Variants in SORCS3 observed in about 807,000 individuals in gnomAD.
SORCS3 encodes the protein VPS10 domain-containing receptor SorCS3.
SORCS3 carries 57 observed loss-of-function variants against 146.3 expected under a neutral mutation model. The observed-to-expected ratio is 0.39, with a 90% CI of 0.31 to 0.49. The LOEUF is 0.49. Ranked by LOEUF, SORCS3 falls within the 20% of genes least tolerant of loss-of-function variation. The pLI, the probability that SORCS3 is intolerant of heterozygous loss-of-function variation, is 0.92. For synonymous variants in SORCS3, 653 were observed against 618.5 expected, an observed-to-expected ratio of 1.06 and a Z score of -0.83; for missense variants, 1,341 against 1,575.5, an observed-to-expected ratio of 0.85 and a Z score of 2.52.
At chr10:104,759,033 A>G (rs923537420) in intron 1 of SORCS3, among the ~76,000 whole-genome samples, 16 of 152,130 alleles carry the variant, frequency 1.1e-4, no homozygotes, top group Non-Finnish European at 2.1e-4. Context: ...TGCAGATGGG[A>G]TTAGTTAAGA....
chr10:105,056,921 AC>A (rs774633739), intron 5 of SORCS3, among the ~76,000 whole-genome samples: 4 of 152,204 alleles, frequency 2.6e-5, no homozygotes, highest in Non-Finnish European at 5.9e-5. Flanking sequence ...AGATTGTATG[AC>A]TATTTTACAT....
At chr10:104,871,336 G>A (rs958488670) in intron 2 of SORCS3, among the ~76,000 whole-genome samples, 106 of 152,256 alleles carry the variant, frequency 7.0e-4, no homozygotes, top group African/African-American at 2.4e-3. Flanking sequence ...CCAGAAAAGT[G>A]GAAAGTCCGC....
At chr10:105,011,200 T>G (rs183793341) in intron 4 of SORCS3, among the ~76,000 whole-genome samples, 1 of 152,172 alleles carries the variant, frequency 6.6e-6, no homozygotes, top group Non-Finnish European at 1.5e-5. Flanking sequence ...TGAAAAATAA[T>G]TTATGTCTAA....
chr10:105,148,688 G>A (rs760228950), intron 9 of SORCS3, among the ~76,000 whole-genome samples: 1 of 152,116 alleles, frequency 6.6e-6, no homozygotes, highest in African/African-American at 2.4e-5. Context: ...TGGCCTCAGA[G>A]CTGGGTGAGC....
intron 4 of SORCS3, among the ~76,000 whole-genome samples, 158 bp downstream of exon 4, chr10:104,977,651 T>C (rs562470897): frequency 6.6e-6 from 1 of 152,148 alleles, no homozygotes; most frequent in Non-Finnish European, 1.5e-5. Flanking sequence ...CAACTAACTT[T>C]CCTTTCTGCT....
Position 105,263,394 on chromosome 10 carries a change from C to G in SORCS3, c.*20C>G. 6.2e-7 allele frequency: 1 copy of G among 1,612,146 alleles called. No individual in the cohort carries two copies. The highest frequency in any genetic ancestry group is 1.1e-5 in the South Asian group (1 of 90,994). Reference sequence around the variant, plus strand: ...GTTTAATACCAGCAAGCCACGTGGTCAACCACCTTTCTGACTTTTTATTTT... The same window carrying G: ...GTTTAATACCAGCAAGCCACGTGGTGAACCACCTTTCTGACTTTTTATTTT... On this transcript the variant is annotated 3_prime_UTR_variant, in exon 27 of 27. Transcript: ENST00000369701.
chr10:104,961,275 T>C lies in SORCS3; in HGVS notation c.796-16060T>C, dbSNP rs550154784. Among the ~76,000 whole-genome samples, 32 of 152,318 alleles carry C rather than the reference T, an allele frequency of 2.1e-4. 1 individual carries two copies. In the South Asian group the frequency reaches 6.4e-3, roughly 31 times the overall value. ...TCTGAAAACCAAACACACCTGGTTA[T>C]GTATCTATGCCTGTGACAACATTGT... On this transcript the variant is annotated intron_variant, in intron 3 of 26. Transcript: ENST00000369701.
chr10:105,014,502 G>T, intron 4 of SORCS3, among the ~76,000 whole-genome samples: 1 of 152,116 alleles, frequency 6.6e-6, no homozygotes, highest in East Asian at 1.9e-4. Flanking sequence ...TAAGCCATAA[G>T]CTTGGAAAAG....
rs76682679 is a variant in SORCS3, at chr10:105,244,751, T to G, written c.2869-791T>G. Reference sequence around the variant, plus strand: ...TCAGTAATCTGATGGTGCATCTAATTTACATATATTTTCTGCTCTATGAAA... The same window carrying G: ...TCAGTAATCTGATGGTGCATCTAATGTACATATATTTTCTGCTCTATGAAA... On this transcript the variant is annotated intron_variant, in intron 20 of 26. Transcript: ENST00000369701. Among the ~76,000 whole-genome samples the G allele has an allele frequency of 7.1e-3, 1,073 of 152,130 alleles. 10 individuals carry two copies. The highest frequency in any genetic ancestry group is 0.01 in the Non-Finnish European group (701 of 68,000).
At chr10:105,255,086 G>A (rs1002624079) in intron 23 of SORCS3, among the ~76,000 whole-genome samples, 1 of 151,222 alleles carries the variant, frequency 6.6e-6, no homozygotes, top group South Asian at 2.1e-4. Context: ...TACTCAGGAG[G>A]CTGAGGCAGG....
chr10:105,014,510 A>G (rs1011195255), intron 4 of SORCS3, among the ~76,000 whole-genome samples: 1 of 152,200 alleles, frequency 6.6e-6, no homozygotes, highest in Non-Finnish European at 1.5e-5. Context: ...AAGCTTGGAA[A>G]AGATTCTTGC....
intron 3 of SORCS3, among the ~76,000 whole-genome samples, chr10:104,926,190 A>T (rs2019143125): frequency 6.6e-6 from 1 of 152,178 alleles, no homozygotes; most frequent in Admixed American, 6.5e-5. Flanking sequence ...GTCCTGCCTT[A>T]TCCAGGAGGC....
intron 1 of SORCS3, among the ~76,000 whole-genome samples, chr10:104,677,854 G>A (rs2015928827): frequency 6.6e-6 from 1 of 152,208 alleles, no homozygotes; most frequent in East Asian, 1.9e-4. Flanking sequence ...AACATAGGGG[G>A]TGAAGAGAGA....
At chr10:104,823,996 T>A (rs2017905654) in intron 1 of SORCS3, among the ~76,000 whole-genome samples, 3 of 151,666 alleles carry the variant, frequency 2.0e-5, no homozygotes, top group Admixed American at 2.0e-4. Flanking sequence ...GGACCATGAG[T>A]CAAGGAATGG....
At position 104,736,857 on chromosome 10, in the gene SORCS3, T is replaced by A. The variant is rs534497392; in HGVS notation, c.627+94903T>A. On this transcript the variant is annotated intron_variant, in intron 1 of 26. Coordinates refer to ENST00000369701, the MANE Select transcript of SORCS3 (RefSeq NM_014978.3). ...CAGGTTAGTTACATATGTATACATGTGCCATGCTGGTGTGCTGCACCCATT... is the reference window on the plus strand; with the variant it reads ...CAGGTTAGTTACATATGTATACATGAGCCATGCTGGTGTGCTGCACCCATT... Among the ~76,000 whole-genome samples, 25 of 152,166 alleles carry A rather than the reference T, an allele frequency of 1.6e-4. 1 individual carries two copies. The South Asian group carries it at 5.0e-3, about 30-fold the overall frequency.
At chr10:105,139,515 G>A (rs776339004) in intron 8 of SORCS3, 29 bp downstream of exon 8, 2 of 1,569,762 alleles carry the variant, frequency 1.3e-6, no homozygotes, top group Non-Finnish European at 1.8e-6. Context: ...GCGGTCCTGG[G>A]TCCCTCTAGG....
chr10:105,131,096 CTGTTT>C (rs1465060529), intron 7 of SORCS3, among the ~76,000 whole-genome samples: 2 of 152,028 alleles, frequency 1.3e-5, no homozygotes, highest in Non-Finnish European at 2.9e-5. Context: ...ATTTGGAAGC[CTGTTT>C]TGTTTTATTT....
chr10:104,810,507 CTCA>C (rs1387347912), intron 1 of SORCS3, among the ~76,000 whole-genome samples: 2 of 152,152 alleles, frequency 1.3e-5, no homozygotes, highest in African/African-American at 2.4e-5. Flanking sequence ...TAATTTCAGT[CTCA>C]TCATATTAAG....
intron 3 of SORCS3, among the ~76,000 whole-genome samples, chr10:104,966,057 A>G (rs1224803699): frequency 6.6e-6 from 1 of 151,972 alleles, no homozygotes; most frequent in Non-Finnish European, 1.5e-5. Context: ...AGCATCATTG[A>G]CATTTTGTGC....
Sources: gnomAD v4.1 joint callset for allele counts (sites outside exome capture counted in the v4.1 genomes callset) on GRCh38, gnomAD v4.1.1 for gene constraint, MANE v1.5 for transcripts, NCBI Gene and HGNC (gene_info 2026-07-23, HGNC 2026-07-21) for gene names.